The following SNTG1 variants were observed in gnomAD, a reference collection of about 807,000 sequenced individuals.
The protein encoded by SNTG1 is gamma-1-syntrophin.
In SNTG1, 39 loss-of-function variants were observed where a neutral mutation model predicts 74.7. The ratio of observed to expected loss-of-function variants is 0.52; its 90% confidence interval spans 0.40 to 0.68. The LOEUF is 0.68. SNTG1 is among the 30% of genes least tolerant of loss of function. The pLI is 0.00. For synonymous variants in SNTG1, 254 were observed against 217.1 expected, an observed-to-expected ratio of 1.17 and a Z score of -1.49; for missense variants, 685 against 609.5, an observed-to-expected ratio of 1.12 and a Z score of -1.30.
chr8:50,106,470 G>A (rs915498528), intron 1 of SNTG1, among the ~76,000 whole-genome samples: 2 of 152,104 alleles, frequency 1.3e-5, no homozygotes. Flanking sequence ...AGTGAGGGTT[G>A]GCCATCCTCA....
intron 12 of SNTG1, among the ~76,000 whole-genome samples, chr8:50,571,857 T>C (rs1315451107): frequency 7.9e-5 from 12 of 152,058 alleles, no homozygotes; most frequent in Admixed American, 7.9e-4. Flanking sequence ...AGAAATCACT[T>C]TGAGTGGGCA....
At chr8:50,786,172 C>A (rs1298352160) in intron 18 of SNTG1, among the ~76,000 whole-genome samples, 2 of 151,846 alleles carry the variant, frequency 1.3e-5, no homozygotes, top group Non-Finnish European at 2.9e-5. Flanking sequence ...ATGACTTCTG[C>A]AAGGTTGCAG....
intron 2 of SNTG1, among the ~76,000 whole-genome samples, chr8:50,214,950 G>C (rs1320093083): frequency 1.3e-5 from 2 of 152,122 alleles, no homozygotes. Context: ...GACCTCATTT[G>C]ACTTCATTTA....
intron 1 of SNTG1, among the ~76,000 whole-genome samples, chr8:49,936,544 T>C (rs1402955510): frequency 6.6e-6 from 1 of 152,200 alleles, no homozygotes; most frequent in Non-Finnish European, 1.5e-5. Context: ...AAAAATGATT[T>C]CCTCCAGAAA....
At chr8:50,537,501 CT>C (rs1418954494) in intron 11 of SNTG1, among the ~76,000 whole-genome samples, 1 of 152,070 alleles carries the variant, frequency 6.6e-6, no homozygotes. Context: ...ATTCTTGAAA[CT>C]TTTTTTCTCT....
chr8:50,204,355 A>T (rs1232403057), intron 2 of SNTG1, among the ~76,000 whole-genome samples: 2 of 152,088 alleles, frequency 1.3e-5, no homozygotes, highest in Admixed American at 6.6e-5. Context: ...GTATCTGGGC[A>T]TGAATTATGT....
chr8:50,048,024 C>T (rs1189146190), intron 1 of SNTG1, among the ~76,000 whole-genome samples: 4 of 151,914 alleles, frequency 2.6e-5, no homozygotes, highest in Admixed American at 6.6e-5. Context: ...TATTTGAGAA[C>T]CTGGCACAAA....
chr8:50,632,109 A>G (rs931961345), intron 13 of SNTG1, among the ~76,000 whole-genome samples: 4 of 152,124 alleles, frequency 2.6e-5, no homozygotes, highest in Non-Finnish European at 4.4e-5. Context: ...CAAACATAGG[A>G]TATGGCAGTC....
intron 1 of SNTG1, among the ~76,000 whole-genome samples, chr8:50,128,779 T>G (rs969426544): frequency 4.6e-5 from 7 of 152,124 alleles, no homozygotes; most frequent in Non-Finnish European, 7.4e-5. Flanking sequence ...CTAATTATAA[T>G]TACAAAAATG....
chr8:50,752,134 A>C lies in SNTG1; in HGVS notation c.1395+23A>C, dbSNP rs199839661. ...AAGGTAAACCCAAGAAATTCATCAC[A>C]TAACACCTCTAACTACATTAATGCC... On this transcript the variant is annotated intron_variant, in intron 18 of 18. Coordinates refer to ENST00000642720, the MANE Select transcript of SNTG1 (RefSeq NM_018967.5). 3.7e-6 allele frequency: 5 copies of C among 1,356,830 alleles called. No homozygotes were observed. The East Asian group carries it at 1.1e-4, about 29-fold the overall frequency. The allele number at this position is 1,356,830 out of a possible 1,614,324, so 84.0% of individuals were successfully genotyped here. A position where few individuals can be genotyped will look rare whatever the true frequency, so the allele number is the denominator to read the frequency against.
chr8:50,022,276 T>G (rs2130684916), intron 1 of SNTG1, among the ~76,000 whole-genome samples: 1 of 152,298 alleles, frequency 6.6e-6, no homozygotes, highest in East Asian at 1.9e-4. Context: ...CTATAAATGC[T>G]GTAATAGATA....
intron 15 of SNTG1, among the ~76,000 whole-genome samples, chr8:50,665,799 C>A (rs900072036): frequency 2.0e-5 from 3 of 151,918 alleles, no homozygotes; most frequent in Admixed American, 1.3e-4. Context: ...AATAGGAAAC[C>A]ATTAAGTCTA....
intron 18 of SNTG1, among the ~76,000 whole-genome samples, chr8:50,788,082 A>G (rs1207429795): frequency 6.6e-6 from 1 of 152,102 alleles, no homozygotes; most frequent in African/African-American, 2.4e-5. Context: ...TTTACACAAT[A>G]ATGACATAAG....
intron 15 of SNTG1, among the ~76,000 whole-genome samples, chr8:50,697,648 G>A (rs780459764): frequency 1.1e-4 from 16 of 152,176 alleles, no homozygotes; most frequent in South Asian, 4.1e-4. Context: ...CTTATGAAGC[G>A]ATGTTGAATT....
At chr8:49,970,705 G>A (rs183393570) in intron 1 of SNTG1, among the ~76,000 whole-genome samples, 38 of 152,258 alleles carry the variant, frequency 2.5e-4, no homozygotes, top group Admixed American at 1.0e-3. Context: ...ACATTCTGTC[G>A]TCCTAAATTC....
At chr8:50,603,615 G>A (rs188032216) in intron 13 of SNTG1, among the ~76,000 whole-genome samples, 1 of 152,016 alleles carries the variant, frequency 6.6e-6, no homozygotes, top group African/African-American at 2.4e-5. Context: ...GATATTTATT[G>A]TAGTCCTCAC....
At chr8:50,080,655 C>A (rs1033576440) in intron 1 of SNTG1, among the ~76,000 whole-genome samples, 1 of 152,072 alleles carries the variant, frequency 6.6e-6, no homozygotes, top group African/African-American at 2.4e-5. Flanking sequence ...GGTTGGCAAA[C>A]ATTTTTGTAA....
At chr8:50,247,388 G>A (rs12056425) in intron 2 of SNTG1, among the ~76,000 whole-genome samples, 85,932 of 151,976 alleles carry the variant, frequency 0.57, 28,001 homozygotes, top group East Asian at 0.84. Context: ...TGCTTTGATA[G>A]GGGCCATTTT....
At chr8:50,247,772 C>T (rs557295040) in intron 2 of SNTG1, among the ~76,000 whole-genome samples, 8 of 152,022 alleles carry the variant, frequency 5.3e-5, no homozygotes, top group Non-Finnish European at 1.0e-4. Context: ...GATCCTCCCA[C>T]CTCAGCTTCC....
Sources: allele counts gnomAD v4.1 joint callset (sites outside exome capture counted in the v4.1 genomes callset), GRCh38; gene constraint gnomAD v4.1.1; transcripts MANE v1.5; gene names NCBI Gene and HGNC (gene_info 2026-07-23, HGNC 2026-07-21).